Variants in ZNF710 observed in about 807,000 individuals in gnomAD.
ZNF710 encodes zinc finger protein 710.
In ZNF710, 13 loss-of-function variants were observed where a neutral mutation model predicts 50.6. The ratio of observed to expected loss-of-function variants is 0.26; its 90% CI spans 0.17 to 0.41. The LOEUF (loss-of-function observed/expected upper bound fraction) is 0.41, where lower values mean the gene tolerates loss of function less well. Among genes scored for constraint, ZNF710 ranks in the 10% least tolerant of loss-of-function variants. The pLI, the probability that ZNF710 is intolerant of heterozygous loss-of-function variation, is 1.00. For missense variants in ZNF710, 721 were observed against 936.6 expected, an observed-to-expected ratio of 0.77 and a Z score of 3.01; for synonymous variants, 383 against 397.0, an observed-to-expected ratio of 0.96 and a Z score of 0.42.
Position 90,074,112 on chromosome 15 carries a change from C to G in ZNF710, c.1651-4C>G. The G allele has an allele frequency of 6.2e-7, 1 of 1,612,408 alleles. No homozygotes were observed. The highest frequency in any genetic ancestry group is 8.5e-7 in the Non-Finnish European group (1 of 1,179,366). On this transcript the variant is annotated splice_region_variant and splice_polypyrimidine_tract_variant and intron_variant, in intron 3 of 4. Transcript: ENST00000268154. ...GCTCAGGACACCGGGTTGATGTGTT[C>G]TAGGTGTGCGGGAAGTCCTTCAACC...
At position 90,068,975 on chromosome 15, in the gene ZNF710, C is replaced by T. The variant is rs1325521257; in HGVS notation, c.1458+380C>T. On this transcript the variant is annotated intron_variant, in intron 2 of 4. Coordinates refer to ENST00000268154, the MANE Select transcript of ZNF710 (RefSeq NM_198526.4). This position sits in a 1 kb window ranked among gnomAD's most constrained non-coding sequence, Gnocchi z 5.0. ...AGGCGTGATGGCTCATGCCTGTAATCCCAGCACTTTGCGAGGCCAAGGCGG... is the reference window on the plus strand; with the variant it reads ...AGGCGTGATGGCTCATGCCTGTAATTCCAGCACTTTGCGAGGCCAAGGCGG... Among the ~76,000 whole-genome samples, 1 of 152,036 alleles carries T rather than the reference C, an allele frequency of 6.6e-6. No individual in the cohort carries two copies. Among genetic ancestry groups the T allele is most frequent in the East Asian group, 1.9e-4 (1 of 5,176 alleles).
intron 2 of ZNF710, among the ~76,000 whole-genome samples, chr15:90,071,221 G>A (rs916418260): frequency 1.3e-4 from 20 of 150,032 alleles, no homozygotes; most frequent in Non-Finnish European, 2.5e-4. Flanking sequence ...AGACCGTGCC[G>A]CTGTACTCTA....
intron 1 of ZNF710, among the ~76,000 whole-genome samples, chr15:90,015,827 T>C (rs909987858): frequency 9.9e-5 from 15 of 152,122 alleles, no homozygotes; most frequent in African/African-American, 3.6e-4. Context: ...CCCAGGCTGG[T>C]CTCGAACTCC....
intron 1 of ZNF710, among the ~76,000 whole-genome samples, chr15:90,011,596 C>T (rs928929340): frequency 1.3e-5 from 2 of 152,116 alleles, no homozygotes; most frequent in African/African-American, 4.8e-5. Context: ...ACACTTAATC[C>T]TTTGTTTTTA....
intron 1 of ZNF710, among the ~76,000 whole-genome samples, chr15:90,019,686 G>A (rs192279605): frequency 2.0e-5 from 3 of 152,340 alleles, no homozygotes; most frequent in Admixed American, 2.0e-4. Context: ...AGGAAAGGGA[G>A]TCTGTCATCC....
intron 1 of ZNF710, among the ~76,000 whole-genome samples, chr15:90,003,764 G>C (rs1200768650): frequency 6.6e-6 from 1 of 152,060 alleles, no homozygotes; most frequent in African/African-American, 2.4e-5. Context: ...CTCAGGCCAG[G>C]GTAACTGTGC....
rs545115757 is a variant in ZNF710, at chr15:90,055,256, G to C, written c.-28-11854G>C. On this transcript the variant is annotated intron_variant, in intron 1 of 4. Coordinates refer to ENST00000268154, the MANE Select transcript of ZNF710 (RefSeq NM_198526.4). ...TGGTCAGGGTGGGGCAGGGGGTCCG[G>C]GCAAGCTTCCTGAGGAAGTGTTACC... Among the ~76,000 whole-genome samples, 3 of 152,322 alleles carry C rather than the reference G, an allele frequency of 2.0e-5. No individual in the cohort carries two copies. The East Asian group carries it at 5.8e-4, about 29-fold the overall frequency.
chr15:90,035,507 T>C (rs985363786), intron 1 of ZNF710, among the ~76,000 whole-genome samples: 1 of 152,254 alleles, frequency 6.6e-6, no homozygotes, highest in Non-Finnish European at 1.5e-5. Flanking sequence ...GTGCTTCTTA[T>C]GTGCCGGGAC....
chr15:90,051,606 C>G (rs1200326179), intron 1 of ZNF710, among the ~76,000 whole-genome samples: 2 of 152,164 alleles, frequency 1.3e-5, no homozygotes. Context: ...GCACTCCAGC[C>G]TTGGCGACAG....
At chr15:90,055,565 A>G (rs1899786850) in intron 1 of ZNF710, among the ~76,000 whole-genome samples, 1 of 152,224 alleles carries the variant, frequency 6.6e-6, no homozygotes, top group Admixed American at 6.5e-5. Context: ...CGATTGGTAC[A>G]AGCATAAGGC....
rs1899922911 is a variant in ZNF710 at position 90,059,042 on chromosome 15, C to G, written c.-28-8068C>G. Among the ~76,000 whole-genome samples, 1 of 152,208 alleles carries G rather than the reference C, an allele frequency of 6.6e-6. No homozygotes were observed. The highest frequency in any genetic ancestry group is 1.5e-5 in the Non-Finnish European group (1 of 68,044). On this transcript the variant is annotated intron_variant, in intron 1 of 4. Transcript: ENST00000268154. This position sits in a 1 kb window ranked among gnomAD's most constrained non-coding sequence, Gnocchi z 4.1. ...CTTAGCCAAGCACACAGCCGGGCAC[C>G]ATAGCTTAGCCAAGATGACGCATAT... is the stretch of plus-strand genomic sequence containing the variant.
rs535003938 is a variant in ZNF710 at position 90,001,394 on chromosome 15, C to CAGGGAGGGAGAGAGCGCGAGCG, written c.-246_-225dup. 5.3e-5 allele frequency: 8 copies of CAGGGAGGGAGAGAGCGCGAGCG among 152,212 alleles called. No individual in the cohort carries two copies. The South Asian group carries it at 1.7e-3, about 32-fold the overall frequency. 9.4% of individuals were successfully genotyped at this position (152,212 alleles called of 1,614,324 possible). A position where few individuals can be genotyped will look rare whatever the true frequency, so the allele number is the denominator to read the frequency against. On this transcript the variant is annotated 5_prime_UTR_variant, in exon 1 of 5. Coordinates refer to ENST00000268154, the MANE Select transcript of ZNF710 (RefSeq NM_198526.4). Reference sequence around the variant, plus strand: ...TCAGCCCTGCCTCATTCCCTTCTTCCAGGGAGGGAGAGAGCGCGAGCGAGA... The same window carrying CAGGGAGGGAGAGAGCGCGAGCG: ...TCAGCCCTGCCTCATTCCCTTCTTCCAGGGAGGGAGAGAGCGCGAGCGAGGGAGGGAGAGAGCGCGAGCGAGA...
chr15:90,048,767 G>A (rs973848667), intron 1 of ZNF710, among the ~76,000 whole-genome samples: 1 of 152,190 alleles, frequency 6.6e-6, no homozygotes, highest in African/African-American at 2.4e-5. Flanking sequence ...TCTGTGACGA[G>A]ACTTCTAGAA....
At chr15:90,074,557 A>C (rs1356796716) in intron 4 of ZNF710, 2 of 1,389,848 alleles carry the variant, frequency 1.4e-6, no homozygotes, top group Non-Finnish European at 1.9e-6. Flanking sequence ...ACTGTGTGCC[A>C]GGCCTTTATT....
intron 1 of ZNF710, among the ~76,000 whole-genome samples, chr15:90,023,293 G>C (rs1055325272): frequency 6.6e-6 from 1 of 152,166 alleles, no homozygotes; most frequent in Non-Finnish European, 1.5e-5. Context: ...TGGACAGCCT[G>C]GTGGCTTCTA....
intron 1 of ZNF710, among the ~76,000 whole-genome samples, chr15:90,039,049 G>A (rs1333868218): frequency 6.6e-6 from 1 of 152,106 alleles, no homozygotes. Flanking sequence ...GAGGCCAGAG[G>A]GGGTGGATCA....
At chr15:89,998,396 G>A (rs535784204), upstream of ZNF710, among the ~76,000 whole-genome samples, 8 of 152,310 alleles carry the variant, frequency 5.3e-5, no homozygotes, top group African/African-American at 1.9e-4. Context: ...CTGCTGATCA[G>A]GCTGGGCCTT....
At chr15:90,017,451 C>G (rs190567230) in intron 1 of ZNF710, among the ~76,000 whole-genome samples, 1 of 152,002 alleles carries the variant, frequency 6.6e-6, no homozygotes, top group East Asian at 1.9e-4. Flanking sequence ...CATCCAGCTC[C>G]GGCTGTCCTT....
In ZNF710 at chr15:90,037,547, A is replaced by G. The variant is rs1325305167; in HGVS notation, c.-28-29563A>G. ...GGAAACTGAGTCTCAGTCACCAGCG[A>G]GTACCACCACTGGTGGTACTCAGAG... On this transcript the variant is annotated intron_variant, in intron 1 of 4. Coordinates refer to ENST00000268154, the MANE Select transcript of ZNF710 (RefSeq NM_198526.4). Among the ~76,000 whole-genome samples the G allele has an allele frequency of 2.0e-5, 3 of 152,186 alleles. No homozygotes were observed. The East Asian group carries it at 5.8e-4, about 29-fold the overall frequency.
Sources: allele counts gnomAD v4.1 joint callset (sites outside exome capture counted in the v4.1 genomes callset), GRCh38; gene constraint gnomAD v4.1.1; non-coding constraint Gnocchi (gnomAD v3.1); transcripts MANE v1.5; gene names NCBI Gene and HGNC (gene_info 2026-07-23, HGNC 2026-07-21).